Variants in PSAT1 observed in about 807,000 individuals in gnomAD.
The protein encoded by PSAT1 is phosphoserine aminotransferase.
In PSAT1, 41 loss-of-function variants were observed where a neutral mutation model predicts 40.3. That is an observed-to-expected ratio of 1.02 (90% confidence interval 0.79 to 1.32). The LOEUF (loss-of-function observed/expected upper bound fraction) is 1.32. Ranked by LOEUF, PSAT1 falls within the 40% of genes most tolerant of loss-of-function variation. The probability of loss-of-function intolerance (pLI) is 0.00; values close to 1 mark genes in which losing one functional copy is unlikely to be tolerated. For synonymous variants in PSAT1, 147 were observed against 170.5 expected (o/e 0.86, Z 1.07); for missense variants, 406 against 455.8 (o/e 0.89, Z 0.99).
intron 6 of PSAT1, 149 bp from the exon 7 acceptor site, chr9:78,317,527 G>A (rs558883800): frequency 5.0e-5 from 50 of 993,334 alleles, no homozygotes; most frequent in African/African-American, 3.7e-4. Flanking sequence ...TTGGGATTAC[G>A]GGCGTGAGCC....
rs753207413 is a variant in PSAT1 at position 78,300,710 on chromosome 9, C to CTTT, written c.121+68_121+70dup. 3,327 of 1,104,698 alleles carry CTTT rather than the reference C, an allele frequency of 3.0e-3. 64 individuals are homozygous for CTTT. Among genetic ancestry groups the CTTT allele is most frequent in the African/African-American group, 0.024 (992 of 41,260 alleles). 68.4% of individuals were successfully genotyped at this position (1,104,698 alleles called of 1,614,324 possible). A position where few individuals can be genotyped will look rare whatever the true frequency, so the allele number is the denominator to read the frequency against. On this transcript the variant is annotated intron_variant, in intron 2 of 8. Coordinates refer to ENST00000376588, the MANE Select transcript of PSAT1 (RefSeq NM_058179.4). The stretch of plus-strand genomic sequence containing the variant: ...GTGAATGTCCATGTTTCAAAGGAAG[C>CTTT]TTTTTTTTTTTTTTTTTTTTTTAGA...
intron 1 of PSAT1, 40 bp from the exon 2 acceptor site, chr9:78,300,562 A>C (rs780753406): frequency 1.3e-6 from 2 of 1,594,510 alleles, no homozygotes; most frequent in South Asian, 2.3e-5. Context: ...GCAGTGCAGA[A>C]CATATTTAAA....
Position 78,305,272 on chromosome 9 carries a change from G to A in PSAT1, c.397+332G>A, listed in dbSNP as rs193238800. Among the ~76,000 whole-genome samples, 12 of 152,238 alleles carry A rather than the reference G, an allele frequency of 7.9e-5. No homozygotes were observed. In the South Asian group the frequency reaches 1.2e-3, roughly 16 times the overall value. ...TGGGATTACAGGTGCTGGCCACCAC[G>A]CCTGGCTAATTTTTGTATTTTTAGT... On this transcript the variant is annotated intron_variant, in intron 4 of 8. Transcript: ENST00000376588.
chr9:78,324,165 G>A (rs553788292), intron 7 of PSAT1, among the ~76,000 whole-genome samples: 26 of 152,206 alleles, frequency 1.7e-4, no homozygotes, highest in Admixed American at 1.5e-3. Context: ...CAGTCATGGG[G>A]GAACACTGCG....
At position 78,297,680 on chromosome 9, in the gene PSAT1, C is replaced by T. The variant is rs73651310; in HGVS notation, c.60+410C>T. Among the ~76,000 whole-genome samples the T allele has an allele frequency of 4.5e-3, 687 of 152,296 alleles. 5 individuals are homozygous for T. The highest frequency in any genetic ancestry group is 0.016 in the African/African-American group (646 of 41,572). ...GCCTCGCGCAGCTGTGCGGCGAGCC[C>T]GGGCAGTGTGGAGCGGATGCATGAA... On this transcript the variant is annotated intron_variant, in intron 1 of 8. Transcript: ENST00000376588.
At chr9:78,303,321 C>T (rs545259716) in intron 3 of PSAT1, among the ~76,000 whole-genome samples, 26 of 152,322 alleles carry the variant, frequency 1.7e-4, no homozygotes, top group African/African-American at 6.3e-4. Context: ...TGCTTGGCTT[C>T]TCTCGTCCAT....
intron 5 of PSAT1, 107 bp from the exon 6 acceptor site, chr9:78,308,307 A>G: frequency 7.9e-7 from 1 of 1,264,344 alleles, no homozygotes. Flanking sequence ...CACAGGATAG[A>G]GTCATTTCCT....
intron 1 of PSAT1, 26 bp from the exon 2 acceptor site, chr9:78,300,576 C>T: frequency 6.2e-6 from 10 of 1,604,872 alleles, no homozygotes; most frequent in African/African-American, 2.7e-5. Context: ...ATTTAAATAA[C>T]CCTATTTTCC....
chr9:78,305,442 T>C (rs1005278618), intron 4 of PSAT1, among the ~76,000 whole-genome samples: 1 of 152,146 alleles, frequency 6.6e-6, no homozygotes, highest in African/African-American at 2.4e-5. Context: ...CAGAAGCTAG[T>C]CAGTAGTTAG....
At chr9:78,302,089 A>G (rs1828116057) in intron 3 of PSAT1, 66 bp downstream of exon 3, 2 of 1,095,274 alleles carry the variant, frequency 1.8e-6, no homozygotes, top group African/African-American at 1.5e-5. Context: ...GATGTCTTCC[A>G]GTATTTTCTA....
In PSAT1 at chr9:78,305,179, A is replaced by G. The variant is rs900803823; in HGVS notation, c.397+239A>G. On this transcript the variant is annotated intron_variant, in intron 4 of 8. Coordinates refer to ENST00000376588, the MANE Select transcript of PSAT1 (RefSeq NM_058179.4). ...ACCCAGGCTGGAGTGCAGTGGTGCA[A>G]TCTCAGCTCACTGCAACCTCCGCCT... Among the ~76,000 whole-genome samples, 4 of 152,074 alleles carry G rather than the reference A, an allele frequency of 2.6e-5. No homozygotes were observed. In the East Asian group the frequency reaches 7.7e-4, roughly 29 times the overall value.
intron 7 of PSAT1, among the ~76,000 whole-genome samples, chr9:78,327,107 C>G (rs2118711923): frequency 2.0e-5 from 3 of 150,238 alleles, no homozygotes; most frequent in African/African-American, 7.4e-5. Context: ...AGGTGTGTGC[C>G]AGCACGCCCA....
At chr9:78,317,599 CA>C in intron 6 of PSAT1, 76 bp from the exon 7 acceptor site, 1 of 1,507,312 alleles carries the variant, frequency 6.6e-7, no homozygotes, top group East Asian at 2.3e-5. Context: ...AATGCACCTT[CA>C]ACAGCAGTTT....
At chr9:78,302,414 C>G (rs890710825) in intron 3 of PSAT1, among the ~76,000 whole-genome samples, 2 of 151,912 alleles carry the variant, frequency 1.3e-5, no homozygotes, top group African/African-American at 4.8e-5. Flanking sequence ...TCAGAGTCAC[C>G]TGGTTAGGGG....
At chr9:78,311,679 A>G (rs1032174999) in intron 6 of PSAT1, among the ~76,000 whole-genome samples, 1 of 152,078 alleles carries the variant, frequency 6.6e-6, no homozygotes, top group Non-Finnish European at 1.5e-5. Flanking sequence ...TAAAAATACA[A>G]GAATTAGCCA....
chr9:78,306,866 T>A (rs1297778530), intron 5 of PSAT1, among the ~76,000 whole-genome samples: 1 of 152,108 alleles, frequency 6.6e-6, no homozygotes, highest in East Asian at 1.9e-4. Flanking sequence ...GGTACCCACC[T>A]CCAAAAGCAT....
At chr9:78,300,138 A>C (rs1828086218) in intron 1 of PSAT1, among the ~76,000 whole-genome samples, 1 of 152,160 alleles carries the variant, frequency 6.6e-6, no homozygotes, top group South Asian at 2.1e-4. Flanking sequence ...GACGAATCTT[A>C]TTCACAGCAG....
At position 78,297,271 on chromosome 9, in the gene PSAT1, G is replaced by GT. The variant is rs1291418572; in HGVS notation, c.60+2dup. The GT allele has an allele frequency of 6.3e-7, 1 of 1,599,384 alleles. No homozygotes were observed. On this transcript the variant is annotated splice_donor_variant, in intron 1 of 8. Transcript: ENST00000376588. LOFTEE classifies it high-confidence loss of function. ...TGGTCCCGCCAAGCTGCCGCACTCAGTAAGTCCCCGCGAGCGGGCGCCGGG... is the reference window on the plus strand; with the variant it reads ...TGGTCCCGCCAAGCTGCCGCACTCAGTTAAGTCCCCGCGAGCGGGCGCCGGG...
intron 3 of PSAT1, among the ~76,000 whole-genome samples, chr9:78,303,876 G>T (rs1189453567): frequency 6.6e-6 from 1 of 152,134 alleles, no homozygotes; most frequent in Non-Finnish European, 1.5e-5. Flanking sequence ...TCAGTGGCTT[G>T]GGTCCAGTTT....
Sources: gnomAD v4.1 joint callset for allele counts (sites outside exome capture counted in the v4.1 genomes callset) on GRCh38, gnomAD v4.1.1 for gene constraint, MANE v1.5 for transcripts, NCBI Gene and HGNC (gene_info 2026-07-23, HGNC 2026-07-21) for gene names.